The following PIAS4 variants were observed in gnomAD, a reference collection of about 807,000 sequenced individuals.
PIAS4 encodes the protein protein inhibitor of activated STAT 4.
Under a neutral mutation model 58.0 loss-of-function variants are expected in PIAS4, and 7 were observed. The observed-to-expected ratio is 0.12, with a 90% confidence interval of 0.07 to 0.23. The LOEUF (loss-of-function observed/expected upper bound fraction) is 0.23, where lower values mean the gene tolerates loss of function less well. Among genes scored for constraint, PIAS4 ranks in the 10% least tolerant of loss-of-function variants. The pLI, the probability that PIAS4 is intolerant of heterozygous loss-of-function variation, is 1.00. For missense variants in PIAS4, 550 were observed against 709.5 expected, an observed-to-expected ratio of 0.78 and a Z score of 2.55; for synonymous variants, 364 against 312.4, an observed-to-expected ratio of 1.17 and a Z score of -1.74.
chr19:4,012,467 T>A (rs1052509999), intron 1 of PIAS4, among the ~76,000 whole-genome samples: 3 of 152,024 alleles, frequency 2.0e-5, no homozygotes, highest in Admixed American at 2.0e-4. Flanking sequence ...GGAAAACATA[T>A]CTGTGGCTGA....
intron 9 of PIAS4, 133 bp downstream of exon 9, chr19:4,033,713 G>A (rs968301614): frequency 2.9e-5 from 22 of 765,660 alleles, no homozygotes; most frequent in Non-Finnish European, 4.3e-5. Context: ...TGGAGCTTTG[G>A]AAACCCCGGG....
chr19:4,030,217 T>C (rs1322086602), intron 7 of PIAS4, among the ~76,000 whole-genome samples: 2 of 141,472 alleles, frequency 1.4e-5, no homozygotes, highest in East Asian at 2.0e-4. Flanking sequence ...CCTGCCTCAA[T>C]CTCCCAAAGT....
chr19:4,014,294 G>C (rs1283912565), intron 2 of PIAS4, among the ~76,000 whole-genome samples: 1 of 152,176 alleles, frequency 6.6e-6, no homozygotes, highest in Non-Finnish European at 1.5e-5. Context: ...CAGGCCCCTG[G>C]TGCCTCCCCA....
chr19:4,031,954 A>G (rs1198648038), intron 7 of PIAS4, among the ~76,000 whole-genome samples: 1 of 152,158 alleles, frequency 6.6e-6, no homozygotes, highest in Non-Finnish European at 1.5e-5. Context: ...CCAAGGATGG[A>G]AACTCAGCTG....
intron 7 of PIAS4, among the ~76,000 whole-genome samples, chr19:4,029,863 C>T (rs2144932979): frequency 7.2e-6 from 1 of 139,396 alleles, no homozygotes; most frequent in South Asian, 2.4e-4. Context: ...CACTCTGTTG[C>T]CCAGGCTGGA....
At chr19:4,016,934 G>A (rs568630970) in intron 2 of PIAS4, among the ~76,000 whole-genome samples, 25 of 152,280 alleles carry the variant, frequency 1.6e-4, no homozygotes, top group Non-Finnish European at 2.8e-4. Flanking sequence ...GGGCTTCAGC[G>A]CCCCTGAGGT....
Position 4,037,750 on chromosome 19 carries a change from C to T in PIAS4, c.1408C>T (p.Leu470=), listed in dbSNP as rs1158487349. 5.0e-6 allele frequency: 8 copies of T among 1,610,254 alleles called. No homozygotes were observed. Among genetic ancestry groups the T allele is most frequent in the Non-Finnish European group, 6.8e-6 (8 of 1,178,820 alleles). The change falls in exon 11 of 11, where the codon CTG becomes TTG. Residue 470 remains leucine (L), a synonymous_variant. Transcript: ENST00000262971. This position sits in a 1 kb window ranked among gnomAD's most constrained non-coding sequence, Gnocchi z 5.8. ...KPGADVVDLT[L]DSSSSSEDEE... is the part of the protein sequence containing the mutation. ...GGGCGCCGATGTGGTGGACCTCACG[C>T]TGGACAGCTCATCGTCCTCGGAGGA...
rs758377090 is a variant in PIAS4, at chr19:4,029,013, A to G, written c.884A>G (p.His295Arg). The change falls in exon 7 of 11, where the codon CAC becomes CGC. Residue 295 changes from histidine (H) to arginine (R), a missense_variant. Around this residue, in one of 4 missense-constraint regions of PIAS4, gnomAD observed 225 missense variants for 345.8 expected, o/e 0.65. Transcript: ENST00000262971. ...AGGCTGAAGACCATTGGGGTAAAGC[A>G]CCCGGAGCTGTGCAAGGCACTGGGT... ...LQRLKTIGVK[H>R]PELCKALVKE... The G allele has an allele frequency of 4.4e-6, 7 of 1,607,026 alleles. No homozygotes were observed.
intron 1 of PIAS4, among the ~76,000 whole-genome samples, chr19:4,009,705 C>A (rs1263598010): frequency 2.0e-5 from 3 of 152,142 alleles, no homozygotes; most frequent in Non-Finnish European, 4.4e-5. Flanking sequence ...CCTTAAATGT[C>A]ATTGAAACAT....
chr19:4,030,546 G>T (rs1374696976), intron 7 of PIAS4, among the ~76,000 whole-genome samples: 2 of 151,800 alleles, frequency 1.3e-5, no homozygotes, highest in African/African-American at 4.8e-5. Flanking sequence ...GTGAACCCAG[G>T]AGGCAGAGCT....
chr19:4,025,336 T>G (rs369657509), intron 3 of PIAS4, among the ~76,000 whole-genome samples: 1 of 152,184 alleles, frequency 6.6e-6, no homozygotes, highest in African/African-American at 2.4e-5. Context: ...GTGGCTGCCC[T>G]GCGCTCTGCT....
intron 1 of PIAS4, among the ~76,000 whole-genome samples, chr19:4,011,559 G>A (rs1411841031): frequency 6.6e-6 from 1 of 152,256 alleles, no homozygotes; most frequent in Non-Finnish European, 1.5e-5. Flanking sequence ...CTTTGACCCA[G>A]GTCCTGCAAC....
rs1366504737 is a variant in PIAS4, at chr19:4,038,079, A to G, written c.*204A>G. ...AAAAAAAGTAAAATGACAAAAAAAG[A>G]TACAAAAAAGAAAAATGAAACAAAA... On this transcript the variant is annotated 3_prime_UTR_variant, in exon 11 of 11. Coordinates refer to ENST00000262971, the MANE Select transcript of PIAS4 (RefSeq NM_015897.4). The surrounding 1 kb of genome is among the most constrained non-coding windows in gnomAD (Gnocchi z 4.1). 2 of 560,214 alleles carry G rather than the reference A, an allele frequency of 3.6e-6. No homozygotes were observed. Among genetic ancestry groups the G allele is most frequent in the South Asian group, 2.5e-5 (1 of 39,466 alleles). The allele number at this position is 560,214 out of a possible 1,614,324, so 34.7% of individuals were successfully genotyped here.
At chr19:4,015,411 T>C (rs191131278) in intron 2 of PIAS4, among the ~76,000 whole-genome samples, 7,825 of 151,976 alleles carry the variant, frequency 0.051, 687 homozygotes, top group African/African-American at 0.18. Context: ...CCTGCTCCCC[T>C]GTCTACACCA....
intron 5 of PIAS4, 32 bp downstream of exon 5, chr19:4,028,632 C>G (rs199592176): frequency 5.2e-5 from 83 of 1,610,158 alleles, no homozygotes; most frequent in Non-Finnish European, 6.9e-5. Flanking sequence ...GTCGGCTGCA[C>G]GGGTTTGGGG....
intron 2 of PIAS4, chr19:4,018,360 C>G (rs531306917): frequency 1.3e-5 from 2 of 152,360 alleles, no homozygotes; most frequent in Admixed American, 6.5e-5. Context: ...CATCTGCTCA[C>G]AGCGTTAAAT....
Position 4,013,148 on chromosome 19 carries a change from A to G in PIAS4, c.253A>G (p.Thr85Ala), listed in dbSNP as rs771160224. 4 of 1,613,358 alleles carry G rather than the reference A, an allele frequency of 2.5e-6. No homozygotes were observed. Among genetic ancestry groups the G allele is most frequent in the Non-Finnish European group, 3.4e-6 (4 of 1,180,002 alleles). The part of the protein sequence containing the change: ...PQPHRPLDPL[T>A]MHSTYDRAGA... ...GCCGCACCGGCCCCTGGACCCCCTG[A>G]CCATGCACTCCACCTACGACCGGGC... Residue 85 changes from threonine to alanine, a missense_variant, in exon 2 of 11, where the codon ACC becomes GCC. Coordinates refer to ENST00000262971, the MANE Select transcript of PIAS4 (RefSeq NM_015897.4). The surrounding 1 kb of genome is among the most constrained non-coding windows in gnomAD (Gnocchi z 5.1).
At chr19:4,023,329 A>G (rs1568216043) in intron 2 of PIAS4, among the ~76,000 whole-genome samples, 2 of 151,990 alleles carry the variant, frequency 1.3e-5, no homozygotes, top group Non-Finnish European at 2.9e-5. Flanking sequence ...AAATACAAAA[A>G]TTAGCCAGGC....
chr19:4,037,382 C>T lies in PIAS4; in HGVS notation c.1151C>T (p.Ser384Leu), dbSNP rs1364935195. ...YDQLIIDGLLSKILSECEDAD... is the reference protein window; with the variant it reads ...YDQLIIDGLLLKILSECEDAD... ...TGTCCGCCTCGCCCCAGGCTCCTCT[C>T]GAAGATCCTGAGCGAGTGTGAGGAC... is the stretch of plus-strand genomic sequence containing the variant. The change falls in exon 10 of 11, where the codon TCG becomes TTG. Residue 384 changes from serine to leucine, a missense_variant. Around this residue, in one of 4 missense-constraint regions of PIAS4, gnomAD observed 188 missense variants for 192.0 expected, o/e 0.98. Coordinates refer to ENST00000262971, the MANE Select transcript of PIAS4 (RefSeq NM_015897.4). This position sits in a 1 kb window ranked among gnomAD's most constrained non-coding sequence, Gnocchi z 5.8. 1.2e-6 allele frequency: 2 copies of T among 1,605,348 alleles called. No homozygotes were observed. The highest frequency in any genetic ancestry group is 1.7e-4 in the Middle Eastern group (1 of 5,880).
Sources: allele counts gnomAD v4.1 joint callset (sites outside exome capture counted in the v4.1 genomes callset), GRCh38; gene constraint gnomAD v4.1.1; regional missense constraint gnomAD v4.1.1; non-coding constraint Gnocchi (gnomAD v3.1); transcripts MANE v1.5; gene names NCBI Gene and HGNC (gene_info 2026-07-23, HGNC 2026-07-21).